The following TAFA1 variants were observed in gnomAD, a reference collection of about 807,000 sequenced individuals.
TAFA1 encodes chemokine-like protein TAFA-1.
TAFA1 carries 4 observed loss-of-function variants against 18.5 expected under a neutral mutation model. The observed-to-expected ratio is 0.22, with a 90% confidence interval of 0.11 to 0.49. The LOEUF (loss-of-function observed/expected upper bound fraction) is 0.49, where lower values mean the gene tolerates loss of function less well. Ranked by LOEUF, TAFA1 falls within the 20% of genes least tolerant of loss-of-function variation. The pLI, the probability that TAFA1 is intolerant of heterozygous loss-of-function variation, is 0.98. For synonymous variants in TAFA1, 56 were observed against 55.2 expected, an observed-to-expected ratio of 1.01 and a Z score of -0.06; for missense variants, 147 against 169.0, an observed-to-expected ratio of 0.87 and a Z score of 0.72.
intron 2 of TAFA1, among the ~76,000 whole-genome samples, chr3:68,223,504 G>A (rs146659479): frequency 6.8e-4 from 103 of 150,722 alleles, no homozygotes; most frequent in African/African-American, 2.4e-3. Flanking sequence ...ATGTGTCTAC[G>A]CCTGTATGTA....
chr3:68,347,934 AAGGGTTTC>A (rs1216427898), intron 2 of TAFA1, among the ~76,000 whole-genome samples: 1 of 152,064 alleles, frequency 6.6e-6, no homozygotes, highest in Non-Finnish European at 1.5e-5. Flanking sequence ...TCCTGGCTGC[AAGGGTTTC>A]AGGTGGGGAC....
In TAFA1 at chr3:68,427,654, A is replaced by AC. The variant is rs375182314; in HGVS notation, c.259+10242dup. On this transcript the variant is annotated intron_variant, in intron 3 of 4. Coordinates refer to ENST00000478136, the MANE Select transcript of TAFA1 (RefSeq NM_213609.4). ...CTCCTTGAATTTTTGAAAACCTACC[A>AC]CCCCCCCCATACAAGTTCAAACAAC... Among the ~76,000 whole-genome samples, 1,194 of 151,018 alleles carry AC rather than the reference A, an allele frequency of 7.9e-3. 14 individuals carry two copies. The highest frequency in any genetic ancestry group is 0.026 in the African/African-American group (1,087 of 41,200).
intron 3 of TAFA1, among the ~76,000 whole-genome samples, chr3:68,421,754 CCCTT>C (rs1316850870): frequency 6.6e-6 from 1 of 152,000 alleles, no homozygotes; most frequent in Admixed American, 6.6e-5. Flanking sequence ...ATGTCTGACT[CCCTT>C]CAGAGGCTCA....
chr3:68,190,876 G>T (rs2066329904), intron 2 of TAFA1, among the ~76,000 whole-genome samples: 1 of 151,720 alleles, frequency 6.6e-6, no homozygotes, highest in African/African-American at 2.4e-5. Flanking sequence ...AATGAGACTA[G>T]AGTATGAATT....
chr3:68,317,736 G>A (rs569469541), intron 2 of TAFA1, among the ~76,000 whole-genome samples: 2 of 152,174 alleles, frequency 1.3e-5, no homozygotes, highest in African/African-American at 4.8e-5. Context: ...AAAGTAGGGG[G>A]GAAAGTACAA....
intron 2 of TAFA1, among the ~76,000 whole-genome samples, chr3:68,332,813 T>C (rs1017087918): frequency 2.6e-5 from 4 of 152,226 alleles, no homozygotes; most frequent in African/African-American, 9.6e-5. Context: ...TAGGTGGGAA[T>C]GTAAATTGGT....
chr3:68,498,062 A>G (rs2072582109), intron 3 of TAFA1, among the ~76,000 whole-genome samples: 1 of 152,192 alleles, frequency 6.6e-6, no homozygotes, highest in Non-Finnish European at 1.5e-5. Flanking sequence ...TTACCAACGT[A>G]GCTTGAGGCA....
At position 68,048,352 on chromosome 3, in the gene TAFA1, G is replaced by A. The variant is rs954437772; in HGVS notation, c.118+41608G>A. On this transcript the variant is annotated intron_variant, in intron 2 of 4. Coordinates refer to ENST00000478136, the MANE Select transcript of TAFA1 (RefSeq NM_213609.4). ...GTAAGTAGTAGGTAAATATATTCAT[G>A]GGGTACATGAGATATTTTGATATGG... Among the ~76,000 whole-genome samples the A allele has an allele frequency of 7.9e-5, 12 of 151,884 alleles. 1 individual carries two copies. The highest frequency in any genetic ancestry group is 7.9e-4 in the Admixed American group (12 of 15,236).
At chr3:68,465,816 G>A (rs918980228) in intron 3 of TAFA1, among the ~76,000 whole-genome samples, 1 of 151,944 alleles carries the variant, frequency 6.6e-6, no homozygotes, top group Non-Finnish European at 1.5e-5. Context: ...ACTGAAAAAT[G>A]TTGTCTGTTT....
chr3:68,347,015 A>G (rs201175700), intron 2 of TAFA1, among the ~76,000 whole-genome samples: 2 of 147,012 alleles, frequency 1.4e-5, no homozygotes, highest in African/African-American at 4.9e-5. Flanking sequence ...GCATTAGTCC[A>G]GCCTGTTTTC....
At chr3:68,022,844 AT>A (rs1704724707) in intron 2 of TAFA1, among the ~76,000 whole-genome samples, 257 of 2,570 alleles carry the variant, frequency 0.1, 3 homozygotes, top group African/African-American at 0.12. Flanking sequence ...TATATATATT[AT>A]ATATATATAT....
intron 3 of TAFA1, among the ~76,000 whole-genome samples, chr3:68,508,623 C>T (rs148296341): frequency 6.6e-6 from 1 of 152,064 alleles, no homozygotes; most frequent in Non-Finnish European, 1.5e-5. Context: ...ATCTGAGATG[C>T]ATGCACAAAT....
chr3:68,305,925 G>A (rs781349428), intron 2 of TAFA1, among the ~76,000 whole-genome samples: 62 of 152,298 alleles, frequency 4.1e-4, no homozygotes, highest in Non-Finnish European at 7.5e-4. Flanking sequence ...AGTATTAAAT[G>A]AGCAAATACA....
chr3:68,095,488 A>T (rs957106367), intron 2 of TAFA1, among the ~76,000 whole-genome samples: 2 of 152,116 alleles, frequency 1.3e-5, no homozygotes, highest in African/African-American at 4.8e-5. Flanking sequence ...TAAAATCAGG[A>T]CCCACTTTCC....
intron 3 of TAFA1, among the ~76,000 whole-genome samples, chr3:68,455,217 A>G (rs1045622609): frequency 6.6e-6 from 1 of 151,974 alleles, no homozygotes; most frequent in Non-Finnish European, 1.5e-5. Context: ...GAGGAGGAGG[A>G]GGAAGATGAA....
At chr3:68,109,835 C>T (rs1330255175) in intron 2 of TAFA1, among the ~76,000 whole-genome samples, 1 of 152,018 alleles carries the variant, frequency 6.6e-6, no homozygotes, top group African/African-American at 2.4e-5. Context: ...GCCTTGAGTA[C>T]CAGAATAAGA....
chr3:68,358,424 T>C (rs1274700508), intron 2 of TAFA1, among the ~76,000 whole-genome samples: 1 of 151,982 alleles, frequency 6.6e-6, no homozygotes, highest in African/African-American at 2.4e-5. Flanking sequence ...ATTCCAGTTC[T>C]ATCATTGTTT....
At chr3:68,340,161 G>T (rs1274255793) in intron 2 of TAFA1, among the ~76,000 whole-genome samples, 1 of 152,160 alleles carries the variant, frequency 6.6e-6, no homozygotes, top group Non-Finnish European at 1.5e-5. Context: ...CATGCAAATT[G>T]AGTATTCTAC....
intron 2 of TAFA1, among the ~76,000 whole-genome samples, chr3:68,229,313 T>C (rs1042895870): frequency 6.6e-6 from 1 of 152,204 alleles, no homozygotes. Flanking sequence ...GAAATAAACA[T>C]ATATAACAAA....
Sources: allele counts gnomAD v4.1 joint callset (sites outside exome capture counted in the v4.1 genomes callset), GRCh38; gene constraint gnomAD v4.1.1; transcripts MANE v1.5; gene names NCBI Gene and HGNC (gene_info 2026-07-23, HGNC 2026-07-21).